Variants in SEPTIN12 observed in about 807,000 individuals in gnomAD.
SEPTIN12 encodes the protein septin 12, also known as septin-12.
In SEPTIN12, 42 loss-of-function variants were observed where a neutral mutation model predicts 37.7. The ratio of observed to expected loss-of-function variants is 1.11; its 90% CI spans 0.87 to 1.44. SEPTIN12 has a LOEUF of 1.44. Among genes scored for constraint, SEPTIN12 ranks in the 40% most tolerant of loss-of-function variants. SEPTIN12 has a pLI of 0.00. For synonymous variants in SEPTIN12, 254 were observed against 196.7 expected (o/e 1.29, Z -2.44); for missense variants, 613 against 479.2 (o/e 1.28, Z -2.61).
At position 4,779,854 on chromosome 16, in the gene SEPTIN12, G is replaced by C. The variant is rs1596250778; in HGVS notation, c.727-68C>G. ...TGGGGAGAAGAGAAGAAAAGTCAAGGCACCCAGGCAGGAGAGGGGAGTCCT... is the reference window on the plus strand; with the variant it reads ...TGGGGAGAAGAGAAGAAAAGTCAAGCCACCCAGGCAGGAGAGGGGAGTCCT... On this transcript the variant is annotated intron_variant, in intron 7 of 9. Transcript: ENST00000268231. The C allele has an allele frequency of 1.1e-5, 12 of 1,058,654 alleles. No individual in the cohort carries two copies. In the South Asian group the frequency reaches 1.5e-4, roughly 13 times the overall value. 65.6% of individuals were successfully genotyped at this position (1,058,654 alleles called of 1,614,324 possible). A position where few individuals can be genotyped will look rare whatever the true frequency, so the allele number is the denominator to read the frequency against.
In SEPTIN12 at chr16:4,787,679, TG is replaced by T. The variant is rs756491253; in HGVS notation, c.-22-13del. Reference sequence around the variant, plus strand: ...AGGGTTCGAGATGCCTGTCACCAGGTGGGTGGGGAGAAGGGGGTCACTGGGG... The same window carrying T: ...AGGGTTCGAGATGCCTGTCACCAGGTGGTGGGGAGAAGGGGGTCACTGGGG... On this transcript the variant is annotated splice_polypyrimidine_tract_variant and intron_variant, in intron 1 of 9. Coordinates refer to ENST00000268231, the MANE Select transcript of SEPTIN12 (RefSeq NM_144605.5). The T allele has an allele frequency of 1.2e-5, 16 of 1,283,904 alleles. No individual in the cohort carries two copies. In the Admixed American group the frequency reaches 3.0e-4, roughly 24 times the overall value. The allele number at this position is 1,283,904 out of a possible 1,614,324, so 79.5% of individuals were successfully genotyped here. A position where few individuals can be genotyped will look rare whatever the true frequency, so the allele number is the denominator to read the frequency against.
chr16:4,785,844 T>C lies in SEPTIN12; in HGVS notation c.337A>G (p.Thr113Ala). 6.2e-7 allele frequency: 1 copy of C among 1,611,136 alleles called. No individual in the cohort carries two copies. Among genetic ancestry groups the C allele is most frequent in the Non-Finnish European group, 8.5e-7 (1 of 1,179,470 alleles). The change falls in exon 4 of 10, where the codon ACG (threonine) becomes GCG (alanine). Residue 113 changes from threonine (T) to alanine (A), a missense_variant. By Grantham distance (58) the Thr-to-Ala change is moderately conservative. Transcript: ENST00000268231. ...TTGATCTGGTCCCCGAAGCCGGGCG[T>C]GTCCGTCACCGTCAGCTTCAGCTTC... ...GVKLKLTVTD[T>A]PGFGDQINND...
chr16:4,778,865 C>T (rs368100836), intron 8 of SEPTIN12, among the ~76,000 whole-genome samples: 15 of 151,498 alleles, frequency 9.9e-5, no homozygotes, highest in African/African-American at 1.9e-4. Context: ...CCTGACCGGG[C>T]GCGGTGGCAC....
In SEPTIN12 at chr16:4,783,632, C is replaced by G. The variant is rs779120997; in HGVS notation, c.630+17G>C. On this transcript the variant is annotated intron_variant, in intron 6 of 9. Transcript: ENST00000268231. ...CTGCCCCCGCTGACCCCAGCCCTGC[C>G]CGGGCATCCAGATCACCCTGCGCCT... 15 of 1,613,232 alleles carry G rather than the reference C, an allele frequency of 9.3e-6. No individual in the cohort carries two copies. In the Admixed American group the frequency reaches 1.7e-4, roughly 18 times the overall value.
upstream of SEPTIN12, among the ~76,000 whole-genome samples, chr16:4,791,403 T>C (rs922913837): frequency 1.3e-5 from 2 of 152,192 alleles, no homozygotes; most frequent in Non-Finnish European, 2.9e-5. Flanking sequence ...CAGTGCACGT[T>C]TCTGTGAGCC....
upstream of SEPTIN12, chr16:4,788,918 A>T (rs1469405830): frequency 6.6e-6 from 1 of 152,186 alleles, no homozygotes; most frequent in Non-Finnish European, 1.5e-5. Context: ...TGTATCTTAG[A>T]GGTTATCACC....
chr16:4,788,015 T>C lies in SEPTIN12; in HGVS notation c.-23+265A>G, dbSNP rs141289898. On this transcript the variant is annotated intron_variant, in intron 1 of 9. Coordinates refer to ENST00000268231, the MANE Select transcript of SEPTIN12 (RefSeq NM_144605.5). ...GGTGTTTGCAGCCAGGCTGGAGTCCTGGAGGGGCTTCAGGGAGTGTGTATG... is the reference window on the plus strand; with the variant it reads ...GGTGTTTGCAGCCAGGCTGGAGTCCCGGAGGGGCTTCAGGGAGTGTGTATG... 152 of 222,650 alleles carry C rather than the reference T, an allele frequency of 6.8e-4. 1 individual carries two copies. In the East Asian group the frequency reaches 0.016, roughly 23 times the overall value. The allele number at this position is 222,650 out of a possible 1,614,324, so 13.8% of individuals were successfully genotyped here.
At chr16:4,782,061 C>A (rs1296148285) in intron 7 of SEPTIN12, among the ~76,000 whole-genome samples, 1 of 149,244 alleles carries the variant, frequency 6.7e-6, no homozygotes, top group Non-Finnish European at 1.5e-5. Context: ...AGCAATTCTC[C>A]TGCCTCAGTC....
Position 4,783,643 on chromosome 16 carries a change from G to C in SEPTIN12, c.630+6C>G, listed in dbSNP as rs747720446. On this transcript the variant is annotated splice_donor_region_variant and intron_variant, in intron 6 of 9. Transcript: ENST00000268231. Reference sequence around the variant, plus strand: ...GACCCCAGCCCTGCCCGGGCATCCAGATCACCCTGCGCCTGAAGGCCTCTC... The same window carrying C: ...GACCCCAGCCCTGCCCGGGCATCCACATCACCCTGCGCCTGAAGGCCTCTC... The C allele has an allele frequency of 5.0e-6, 8 of 1,613,532 alleles. No homozygotes were observed. The highest frequency in any genetic ancestry group is 2.2e-5 in the South Asian group (2 of 91,078).
In SEPTIN12 at chr16:4,783,358, TA is replaced by T. The variant is rs769094225; in HGVS notation, c.726+103del. On this transcript the variant is annotated intron_variant, in intron 7 of 9. Transcript: ENST00000268231. ...AGTAGAGAATCATATCTGCTAGGAA[TA>T]TGTGCACATTTCCCTGAGATGTAGA... is the stretch of plus-strand genomic sequence containing the variant. 3 of 890,298 alleles carry T rather than the reference TA, an allele frequency of 3.4e-6. No individual in the cohort carries two copies. The African/African-American group carries it at 4.9e-5, about 15-fold the overall frequency. 55.1% of individuals were successfully genotyped at this position (890,298 alleles called of 1,614,324 possible).
chr16:4,786,315 T>C (rs1195034272), intron 2 of SEPTIN12, among the ~76,000 whole-genome samples: 1 of 150,268 alleles, frequency 6.7e-6, no homozygotes. Flanking sequence ...GCTGGGACTG[T>C]AGGCACACGC....
chr16:4,782,701 T>C (rs1405323340), intron 7 of SEPTIN12, among the ~76,000 whole-genome samples: 2 of 150,910 alleles, frequency 1.3e-5, no homozygotes, highest in African/African-American at 2.4e-5. Flanking sequence ...CCTCCAAGAT[T>C]CAACCGATTC....
rs569300754 is a variant in SEPTIN12, at chr16:4,777,723, GC to G, written c.*73del. 5.7e-4 allele frequency: 610 copies of G among 1,063,734 alleles called. 2 individuals carry two copies. The African/African-American group carries it at 8.4e-3, about 15-fold the overall frequency. 65.9% of individuals were successfully genotyped at this position (1,063,734 alleles called of 1,614,324 possible). A position where few individuals can be genotyped will look rare whatever the true frequency, so the allele number is the denominator to read the frequency against. ...AAAGCAAGGCTCACATTTAATAGAT[GC>G]TCTGGTACATAGGTGTGTGTTGAGA... On this transcript the variant is annotated 3_prime_UTR_variant, in exon 10 of 10. Transcript: ENST00000268231.
At position 4,783,998 on chromosome 16, in the gene SEPTIN12, G is replaced by A. The variant is rs751433092; in HGVS notation, c.445C>T (p.Arg149Cys). The change falls in exon 5 of 10, where the codon CGC (arginine) becomes TGC (cysteine). Residue 149 changes from arginine to cysteine, a missense_variant. Arg to Cys is a radical substitution (Grantham distance 180). Coordinates refer to ENST00000268231, the MANE Select transcript of SEPTIN12 (RefSeq NM_144605.5). ...CGGGTGTCTGGGATGTGGCGCTGGC[G>A]GGTGATGAGGATCTCCTCCTGCAGG... is the stretch of plus-strand genomic sequence containing the variant. Reference protein sequence around the residue: ...QYLQEEILITRQRHIPDTRVH... With the variant: ...QYLQEEILITCQRHIPDTRVH... The A allele has an allele frequency of 3.0e-5, 49 of 1,614,040 alleles. No individual in the cohort carries two copies. Among genetic ancestry groups the A allele is most frequent in the Non-Finnish European group, 3.8e-5 (45 of 1,180,012 alleles).
At position 4,777,910 on chromosome 16, in the gene SEPTIN12, G is replaced by A; in HGVS notation, c.964C>T (p.Pro322Ser). The A allele has an allele frequency of 1.9e-6, 3 of 1,603,052 alleles. No individual in the cohort carries two copies. Among genetic ancestry groups the A allele is most frequent in the South Asian group, 1.1e-5 (1 of 89,308 alleles). ...VIRLNESHLL[P>S]RGPGWVNLAP... Reference sequence around the variant, plus strand: ...AGGTTCACCCAGCCGGGCCCGCGGGGCAGCAGGTGGCTTTCATTGAGTCTG... The same window carrying A: ...AGGTTCACCCAGCCGGGCCCGCGGGACAGCAGGTGGCTTTCATTGAGTCTG... Residue 322 changes from proline to serine, a missense_variant, in exon 10 of 10, where the codon CCC (proline) becomes TCC (serine). Transcript: ENST00000268231.
chr16:4,784,062 G>A lies in SEPTIN12; in HGVS notation c.381C>T (p.Asp127=), dbSNP rs546445120. 23 of 1,613,984 alleles carry A rather than the reference G, an allele frequency of 1.4e-5. No homozygotes were observed. Among genetic ancestry groups the A allele is most frequent in the Non-Finnish European group, 1.9e-5 (23 of 1,179,994 alleles). The change falls in exon 5 of 10, where the codon GAC becomes GAT. Residue 127 remains aspartate (D), a synonymous_variant. Transcript: ENST00000268231. ...GCTCGTTGATGTAGCCCAGGATGGG[G>A]TCCCAGCTGAGGCGGGAGGTGGACC... is the stretch of plus-strand genomic sequence containing the variant. ...GDQINNDNCW[D]PILGYINEQY... is the part of the protein sequence containing the mutation.
At chr16:4,784,173 G>A (rs1596255413) in intron 4 of SEPTIN12, 105 bp from the exon 5 acceptor site, 22 of 1,373,344 alleles carry the variant, frequency 1.6e-5, no homozygotes, top group African/African-American at 7.1e-5. Context: ...ACGACGAATC[G>A]TCCCGGTTGG....
intron 2 of SEPTIN12, among the ~76,000 whole-genome samples, 173 bp from the exon 3 acceptor site, chr16:4,786,278 G>A (rs550851276): frequency 1.3e-5 from 2 of 151,290 alleles, no homozygotes; most frequent in Non-Finnish European, 2.9e-5. Context: ...AGACTCTAGT[G>A]ATTCTCGCAC....
chr16:4,779,118 A>T (rs1326811914), intron 8 of SEPTIN12, among the ~76,000 whole-genome samples: 1 of 152,104 alleles, frequency 6.6e-6, no homozygotes, highest in African/African-American at 2.4e-5. Flanking sequence ...AGCTCGGGTG[A>T]CACTGCGAGA....
Sources: gnomAD v4.1 joint callset for allele counts (sites outside exome capture counted in the v4.1 genomes callset) on GRCh38, gnomAD v4.1.1 for gene constraint, MANE v1.5 for transcripts, NCBI Gene and HGNC (gene_info 2026-07-23, HGNC 2026-07-21) for gene names.